Variants in HIF1A observed in about 807,000 individuals in gnomAD.
The protein encoded by HIF1A is hypoxia-inducible factor 1-alpha.
In HIF1A, 24 loss-of-function variants were observed where a neutral mutation model predicts 92.7. The observed-to-expected ratio is 0.26, with a 90% CI of 0.19 to 0.36. HIF1A has a LOEUF of 0.36. Among genes scored for constraint, HIF1A ranks in the 10% least tolerant of loss-of-function variants. The pLI is 1.00. For synonymous variants in HIF1A, 319 were observed against 338.7 expected, an observed-to-expected ratio of 0.94 and a Z score of 0.64; for missense variants, 799 against 998.5, an observed-to-expected ratio of 0.80 and a Z score of 2.69.
chr14:61,736,769 A>G (rs766760515), intron 8 of HIF1A, 120 bp from the exon 9 acceptor site: 22 of 659,324 alleles, frequency 3.3e-5, no homozygotes, highest in Non-Finnish European at 5.6e-5. Flanking sequence ...GCATCTCAAG[A>G]AATCTTGAAA....
At chr14:61,741,798 C>T (rs1036842505) in intron 12 of HIF1A, among the ~76,000 whole-genome samples, 3 of 152,134 alleles carry the variant, frequency 2.0e-5, no homozygotes, top group African/African-American at 7.2e-5. Context: ...AAAGTTCTTA[C>T]AGTTGTTTAA....
At chr14:61,743,543 T>G (rs2044740053) in intron 12 of HIF1A, among the ~76,000 whole-genome samples, 1 of 152,166 alleles carries the variant, frequency 6.6e-6, no homozygotes, top group African/African-American at 2.4e-5. Context: ...TATATCTGTA[T>G]AAGAATTTTT....
chr14:61,735,934 G>A (rs1189448464), intron 8 of HIF1A, among the ~76,000 whole-genome samples: 1 of 151,894 alleles, frequency 6.6e-6, no homozygotes, highest in African/African-American at 2.4e-5. Context: ...TCATGTACTT[G>A]ACTACAAATT....
chr14:61,705,684 C>T lies in HIF1A; in HGVS notation c.35+9845C>T, dbSNP rs576259232. The stretch of plus-strand genomic sequence containing the variant: ...AAATGGGGAAAAGGGTGGAGATTCT[C>T]AGGTGGAATCTGAGATCTGCCACAC... On this transcript the variant is annotated intron_variant, in intron 1 of 14. Transcript: ENST00000337138. 4.6e-5 allele frequency among the ~76,000 whole-genome samples: 7 copies of T among 152,218 alleles called. No homozygotes were observed. In the South Asian group the frequency reaches 1.0e-3, roughly 23 times the overall value.
intron 1 of HIF1A, chr14:61,715,795 T>G (rs1594866173): frequency 1.3e-5 from 2 of 152,072 alleles, no homozygotes; most frequent in Admixed American, 1.3e-4. Flanking sequence ...AGCCCAGGAG[T>G]TCAGGACCAG....
chr14:61,711,716 G>T (rs2044310893), intron 1 of HIF1A, among the ~76,000 whole-genome samples: 1 of 152,152 alleles, frequency 6.6e-6, no homozygotes, highest in South Asian at 2.1e-4. Context: ...GCTAATGCCT[G>T]TGTTTGCCTG....
At chr14:61,704,506 A>C (rs892974760) in intron 1 of HIF1A, among the ~76,000 whole-genome samples, 12 of 152,188 alleles carry the variant, frequency 7.9e-5, no homozygotes, top group Non-Finnish European at 1.3e-4. Context: ...CTACATTTCC[A>C]TGTCCTTTGT....
chr14:61,703,810 T>C (rs959380063), intron 1 of HIF1A, among the ~76,000 whole-genome samples: 1 of 13,222 alleles, frequency 7.6e-5, no homozygotes, highest in Non-Finnish European at 5.3e-4. Context: ...ACAGAACTCT[T>C]GACCAGTAAT....
At chr14:61,739,187 T>C (rs1345022552) in intron 10 of HIF1A, among the ~76,000 whole-genome samples, 1 of 152,208 alleles carries the variant, frequency 6.6e-6, no homozygotes, top group Non-Finnish European at 1.5e-5. Flanking sequence ...AAGTATAATA[T>C]GAAAATAACA....
chr14:61,711,861 T>G (rs138342851), intron 1 of HIF1A, among the ~76,000 whole-genome samples: 114 of 152,370 alleles, frequency 7.5e-4, no homozygotes, highest in African/African-American at 2.5e-3. Context: ...GTAGCATTTA[T>G]TCTTGCAAAA....
intron 10 of HIF1A, among the ~76,000 whole-genome samples, chr14:61,739,339 T>C: frequency 6.6e-6 from 1 of 152,194 alleles, no homozygotes. Context: ...GCTCTATTTC[T>C]AAATCTAGAA....
At chr14:61,698,389 A>G (rs2044139675) in intron 1 of HIF1A, among the ~76,000 whole-genome samples, 1 of 152,196 alleles carries the variant, frequency 6.6e-6, no homozygotes, top group African/African-American at 2.4e-5. Context: ...AATGCCTCTG[A>G]GCCTCTTTCC....
intron 12 of HIF1A, among the ~76,000 whole-genome samples, chr14:61,743,473 GTAC>G (rs953396945): frequency 1.1e-4 from 16 of 152,040 alleles, no homozygotes; most frequent in East Asian, 5.8e-4. Flanking sequence ...TAATTACTAA[GTAC>G]TACTACTACT....
intron 1 of HIF1A, among the ~76,000 whole-genome samples, chr14:61,705,826 C>T (rs896349602): frequency 6.6e-6 from 1 of 152,128 alleles, no homozygotes; most frequent in Non-Finnish European, 1.5e-5. Context: ...AAAACAGAGA[C>T]TCTTGCTTTA....
chr14:61,716,973 T>C (rs2044371065), intron 1 of HIF1A: 1 of 152,190 alleles, frequency 6.6e-6, no homozygotes, highest in East Asian at 1.9e-4. Context: ...TAGTACCTTA[T>C]GCAGTAGCAG....
intron 2 of HIF1A, 96 bp from the exon 3 acceptor site, chr14:61,721,413 G>T: frequency 1.0e-6 from 1 of 975,078 alleles, no homozygotes; most frequent in Non-Finnish European, 1.5e-6. Flanking sequence ...ATTAAATAAA[G>T]TGTCTGCGAG....
intron 8 of HIF1A, 24 bp from the exon 9 acceptor site, chr14:61,736,865 T>G: frequency 6.5e-7 from 1 of 1,534,484 alleles, no homozygotes; most frequent in Non-Finnish European, 9.0e-7. Flanking sequence ...ATTTGTGAAT[T>G]ACCAATTTCT....
At position 61,696,464 on chromosome 14, in the gene HIF1A, A is replaced by C. The variant is rs551345753; in HGVS notation, c.35+625A>C. Among the ~76,000 whole-genome samples, 239 of 152,336 alleles carry C rather than the reference A, an allele frequency of 1.6e-3. 1 individual carries two copies. Among genetic ancestry groups the C allele is most frequent in the Non-Finnish European group, 2.6e-3 (179 of 68,032 alleles). The stretch of plus-strand genomic sequence containing the variant: ...TTAGGGATTTGCCGCGATGGCCTTA[A>C]GATGCGAACTTTTTAGTTTGCACGT... On this transcript the variant is annotated intron_variant, in intron 1 of 14. Transcript: ENST00000337138.
rs1403254921 is a variant in HIF1A, at chr14:61,747,424, A to G, written c.*339A>G. 1.2e-5 allele frequency: 2 copies of G among 163,588 alleles called. No individual in the cohort carries two copies. The highest frequency in any genetic ancestry group is 4.8e-5 in the African/African-American group (2 of 41,878). 10.1% of individuals were successfully genotyped at this position (163,588 alleles called of 1,614,324 possible). A position where few individuals can be genotyped will look rare whatever the true frequency, so the allele number is the denominator to read the frequency against. On this transcript the variant is annotated 3_prime_UTR_variant, in exon 15 of 15. Transcript: ENST00000337138. ...TTATTTTTAAGAAGATGCCAATATA[A>G]TTTTTGTAAGAAGGCAGTAACCTTT... is the stretch of plus-strand genomic sequence containing the variant.
Sources: allele counts gnomAD v4.1 joint callset (sites outside exome capture counted in the v4.1 genomes callset), GRCh38; gene constraint gnomAD v4.1.1; transcripts MANE v1.5; gene names NCBI Gene and HGNC (gene_info 2026-07-23, HGNC 2026-07-21).